KCNAB1: variants seen among roughly 807,000 people sequenced by gnomAD.
KCNAB1 encodes potassium voltage-gated channel subfamily A regulatory beta subunit 1, also known as voltage-gated potassium channel subunit beta-1.
KCNAB1 carries 35 observed loss-of-function variants against 64.6 expected under a neutral mutation model. The observed-to-expected ratio is 0.54, with a 90% CI of 0.41 to 0.72. The LOEUF (loss-of-function observed/expected upper bound fraction) is 0.72, where lower values mean the gene tolerates loss of function less well. Ranked by LOEUF, KCNAB1 falls within the 30% of genes least tolerant of loss-of-function variation. The pLI, the probability that KCNAB1 is intolerant of heterozygous loss-of-function variation, is 0.00. For missense variants in KCNAB1, 401 were observed against 512.9 expected, an observed-to-expected ratio of 0.78 and a Z score of 2.11; for synonymous variants, 177 against 183.8, an observed-to-expected ratio of 0.96 and a Z score of 0.30.
chr3:156,527,094 T>C (rs1041909608), intron 12 of KCNAB1, among the ~76,000 whole-genome samples: 3 of 152,198 alleles, frequency 2.0e-5, no homozygotes, highest in East Asian at 3.8e-4. Context: ...GAAAATGCCA[T>C]GTACCGTAGT....
At chr3:156,167,059 G>A (rs1223833841) in intron 1 of KCNAB1, among the ~76,000 whole-genome samples, 1 of 152,182 alleles carries the variant, frequency 6.6e-6, no homozygotes, top group Non-Finnish European at 1.5e-5. Context: ...GCTCCAACAA[G>A]ACAGAGTCCA....
At chr3:156,153,425 C>G (rs1715532821) in intron 1 of KCNAB1, among the ~76,000 whole-genome samples, 1 of 152,168 alleles carries the variant, frequency 6.6e-6, no homozygotes, top group Non-Finnish European at 1.5e-5. Flanking sequence ...TTAATTTGCT[C>G]ATTTACTTCA....
At chr3:156,383,011 C>T (rs1005014463) in intron 1 of KCNAB1, among the ~76,000 whole-genome samples, 2 of 152,192 alleles carry the variant, frequency 1.3e-5, no homozygotes, top group South Asian at 2.1e-4. Flanking sequence ...GTGCTTTCTA[C>T]GTCTGAACTT....
chr3:156,291,468 T>A, intron 1 of KCNAB1: 6 of 1,039,646 alleles, frequency 5.8e-6, no homozygotes, highest in Non-Finnish European at 7.0e-6. Context: ...TGCGCTGATT[T>A]GAGCCATCGC....
intron 1 of KCNAB1, among the ~76,000 whole-genome samples, chr3:156,137,951 C>G (rs1460310616): frequency 6.6e-6 from 1 of 152,166 alleles, no homozygotes; most frequent in Admixed American, 6.5e-5. Context: ...ATCCTCTGCT[C>G]TTTTCCCAGA....
At chr3:156,318,160 A>C (rs1722401874) in intron 1 of KCNAB1, among the ~76,000 whole-genome samples, 1 of 152,200 alleles carries the variant, frequency 6.6e-6, no homozygotes, top group Non-Finnish European at 1.5e-5. Flanking sequence ...AGTTCAGTCA[A>C]GTGAGAGACA....
At chr3:156,149,666 C>T (rs541877865) in intron 1 of KCNAB1, among the ~76,000 whole-genome samples, 4 of 152,158 alleles carry the variant, frequency 2.6e-5, no homozygotes, top group African/African-American at 9.7e-5. Context: ...AGCTGAAAAA[C>T]CCTACTTCAA....
chr3:156,441,091 G>T (rs562634279), intron 2 of KCNAB1: 35 of 152,178 alleles, frequency 2.3e-4, no homozygotes, highest in African/African-American at 7.5e-4. Context: ...AAGGACTGTT[G>T]CAATATATTT....
chr3:156,309,841 G>T (rs2108003812), intron 1 of KCNAB1, among the ~76,000 whole-genome samples: 1 of 152,268 alleles, frequency 6.6e-6, no homozygotes, highest in Non-Finnish European at 1.5e-5. Flanking sequence ...AAGAATTCTA[G>T]GAACTAAAGA....
intron 5 of KCNAB1, among the ~76,000 whole-genome samples, chr3:156,460,987 TCCTTCTC>T (rs1418284705): frequency 6.6e-6 from 1 of 152,158 alleles, no homozygotes; most frequent in Non-Finnish European, 1.5e-5. Context: ...ACCTACTTTC[TCCTTCTC>T]CCTTCTCCCT....
At chr3:156,300,495 A>G (rs1721081183) in intron 1 of KCNAB1, among the ~76,000 whole-genome samples, 2 of 152,184 alleles carry the variant, frequency 1.3e-5, no homozygotes. Context: ...TCAGTCACTC[A>G]GTGCTGGATA....
chr3:156,296,485 T>TA (rs1720792836), intron 1 of KCNAB1, among the ~76,000 whole-genome samples: 2 of 146,038 alleles, frequency 1.4e-5, no homozygotes, highest in Admixed American at 1.4e-4. Flanking sequence ...CCTTTTTTTT[T>TA]TTTTTTGAGA....
intron 1 of KCNAB1, among the ~76,000 whole-genome samples, chr3:156,373,710 C>G (rs938417): frequency 0.31 from 46,638 of 152,098 alleles, 9,402 homozygotes; most frequent in African/African-American, 0.58. Context: ...CTCTGAGACT[C>G]TGCATGGCCT....
chr3:156,200,633 G>A (rs1485926712), intron 1 of KCNAB1, among the ~76,000 whole-genome samples: 1 of 152,170 alleles, frequency 6.6e-6, no homozygotes, highest in East Asian at 1.9e-4. Context: ...GCCTACTGAA[G>A]CCTCAGTAAT....
At chr3:156,497,445 C>T (rs1464824116) in intron 8 of KCNAB1, among the ~76,000 whole-genome samples, 2 of 152,138 alleles carry the variant, frequency 1.3e-5, no homozygotes, top group African/African-American at 4.8e-5. Context: ...TGCTTTATTC[C>T]TTCATCTACA....
chr3:156,259,881 C>T (rs1718325349), intron 1 of KCNAB1, among the ~76,000 whole-genome samples: 1 of 152,226 alleles, frequency 6.6e-6, no homozygotes, highest in Non-Finnish European at 1.5e-5. Flanking sequence ...GCTGCCTCTG[C>T]AGCCATTCTC....
Position 156,223,198 on chromosome 3 carries a change from G to A in KCNAB1, c.275+102312G>A, listed in dbSNP as rs11709370. On this transcript the variant is annotated intron_variant, in intron 1 of 13. Transcript: ENST00000490337. ...CAGCAGTGAAGCTGCAGACCTTTGC[G>A]GTGAGTGTTACAGCTCATAAAGGCA... Among the ~76,000 whole-genome samples, 116 of 152,266 alleles carry A rather than the reference G, an allele frequency of 7.6e-4. 1 individual carries two copies. The highest frequency in any genetic ancestry group is 3.4e-3 in the Middle Eastern group (1 of 294).
At chr3:156,200,881 A>G (rs1714288869) in intron 1 of KCNAB1, among the ~76,000 whole-genome samples, 1 of 152,212 alleles carries the variant, frequency 6.6e-6, no homozygotes, top group Admixed American at 6.5e-5. Context: ...CAAACAAACA[A>G]ACTCCTGCAG....
rs551362338 is a variant in KCNAB1 at position 156,263,067 on chromosome 3, G to T, written c.275+142181G>T. 1.6e-4 allele frequency among the ~76,000 whole-genome samples: 24 copies of T among 151,910 alleles called. No homozygotes were observed. The South Asian group carries it at 5.0e-3, about 32-fold the overall frequency. On this transcript the variant is annotated intron_variant, in intron 1 of 13. Transcript: ENST00000490337. ...TAGCTAAGTTTTGTTAACTGTGTTG[G>T]TAATTCATAAAACCAACTTTTGATT...
Sources: gnomAD v4.1 joint callset for allele counts (sites outside exome capture counted in the v4.1 genomes callset) on GRCh38, gnomAD v4.1.1 for gene constraint, MANE v1.5 for transcripts, NCBI Gene and HGNC (gene_info 2026-07-23, HGNC 2026-07-21) for gene names.